The following KHDRBS2 variants were observed in gnomAD, a reference collection of about 807,000 sequenced individuals.
KHDRBS2 encodes KH RNA binding domain containing, signal transduction associated 2, also known as KH domain-containing, RNA-binding, signal transduction-associated protein 2.
KHDRBS2 carries 26 observed loss-of-function variants against 44.3 expected under a neutral mutation model. The ratio of observed to expected loss-of-function variants is 0.59; its 90% CI spans 0.43 to 0.81. The LOEUF is 0.81. KHDRBS2 is among the 40% of genes least tolerant of loss of function. The pLI is 0.00. For missense variants in KHDRBS2, 476 were observed against 433.1 expected (o/e 1.10, Z -0.88); for synonymous variants, 194 against 151.1 (o/e 1.28, Z -2.08).
chr6:61,678,100 CATTA>C (rs1288076518), downstream of KHDRBS2, among the ~76,000 whole-genome samples: 2 of 150,248 alleles, frequency 1.3e-5, no homozygotes, highest in Admixed American at 1.3e-4. Context: ...CCAAGTCGAT[CATTA>C]AAGTTAACAT....
At chr6:61,781,029 A>G (rs2127581297) in intron 6 of KHDRBS2, among the ~76,000 whole-genome samples, 1 of 152,344 alleles carries the variant, frequency 6.6e-6, no homozygotes, top group East Asian at 1.9e-4. Flanking sequence ...TCTTAAAGTG[A>G]CAATTATGTA....
intron 3 of KHDRBS2, among the ~76,000 whole-genome samples, chr6:61,980,324 C>A (rs190386386): frequency 6.6e-6 from 1 of 152,004 alleles, no homozygotes; most frequent in Non-Finnish European, 1.5e-5. Flanking sequence ...ACACATATTC[C>A]TCCTTTGTTC....
chr6:61,869,405 G>A (rs1438092730), intron 6 of KHDRBS2, among the ~76,000 whole-genome samples: 1 of 152,014 alleles, frequency 6.6e-6, no homozygotes, highest in East Asian at 1.9e-4. Context: ...TTAGTAACAA[G>A]GCAAAATAAA....
chr6:61,599,141 G>T, the KHDRBS2 span, among the ~76,000 whole-genome samples: 1 of 151,866 alleles, frequency 6.6e-6, no homozygotes, highest in Admixed American at 6.6e-5. Context: ...TCACCATGTT[G>T]CCCAGGCTGG....
intron 6 of KHDRBS2, among the ~76,000 whole-genome samples, chr6:61,814,341 G>A (rs1156738296): frequency 2.0e-5 from 3 of 152,184 alleles, no homozygotes; most frequent in African/African-American, 7.2e-5. Flanking sequence ...GCCGGGAGCG[G>A]TGGCTCGTGC....
At chr6:62,208,685 T>A (rs1351288375) in intron 1 of KHDRBS2, among the ~76,000 whole-genome samples, 1 of 152,190 alleles carries the variant, frequency 6.6e-6, no homozygotes, top group Non-Finnish European at 1.5e-5. Flanking sequence ...TGTGCCAGTT[T>A]ACATTCCTAC....
intron 6 of KHDRBS2, among the ~76,000 whole-genome samples, chr6:61,803,647 A>C (rs1305370890): frequency 6.6e-6 from 1 of 152,152 alleles, no homozygotes. Flanking sequence ...TACTTATGCC[A>C]TGAAGAAATG....
At chr6:62,258,980 G>T (rs1837889102) in intron 1 of KHDRBS2, among the ~76,000 whole-genome samples, 1 of 151,964 alleles carries the variant, frequency 6.6e-6, no homozygotes, top group Admixed American at 6.6e-5. Flanking sequence ...TAGGAAAAGG[G>T]AAATTGTTCT....
At chr6:61,638,641 T>C in the KHDRBS2 span, among the ~76,000 whole-genome samples, 3 of 152,140 alleles carry the variant, frequency 2.0e-5, no homozygotes, top group Admixed American at 6.6e-5. Flanking sequence ...ACATATACTT[T>C]CTTTGATGAC....
At chr6:62,106,876 T>A (rs1384060034) in intron 2 of KHDRBS2, among the ~76,000 whole-genome samples, 1 of 151,872 alleles carries the variant, frequency 6.6e-6, no homozygotes, top group Non-Finnish European at 1.5e-5. Flanking sequence ...GAAAAGGCCT[T>A]TGACAAAATT....
the KHDRBS2 span, among the ~76,000 whole-genome samples, chr6:61,641,537 C>A: frequency 6.6e-6 from 1 of 152,156 alleles, no homozygotes; most frequent in African/African-American, 2.4e-5. Flanking sequence ...TTCATTTCAT[C>A]ATCCCTTAGC....
chr6:62,123,335 T>G (rs1403059302), intron 2 of KHDRBS2, among the ~76,000 whole-genome samples: 2 of 152,204 alleles, frequency 1.3e-5, no homozygotes, highest in African/African-American at 2.4e-5. Flanking sequence ...TCTTTGCTAT[T>G]GTGAATAGTG....
intron 6 of KHDRBS2, among the ~76,000 whole-genome samples, chr6:61,772,053 A>C (rs561694494): frequency 3.5e-4 from 53 of 152,318 alleles, no homozygotes; most frequent in African/African-American, 1.2e-3. Context: ...GAAACTGAAC[A>C]ACCTGCTCCT....
At chr6:61,732,847 T>A in intron 6 of KHDRBS2, 83 bp from the exon 7 acceptor site, 2 of 776,672 alleles carry the variant, frequency 2.6e-6, no homozygotes, top group Non-Finnish European at 4.6e-6. Context: ...TTTTATACAA[T>A]GTGATCTTGG....
intron 4 of KHDRBS2, among the ~76,000 whole-genome samples, chr6:61,930,897 A>AT (rs912483699): frequency 2.6e-5 from 4 of 151,980 alleles, no homozygotes; most frequent in Admixed American, 2.0e-4. Context: ...CTAATACCAC[A>AT]TTTTTTACTC....
intron 2 of KHDRBS2, among the ~76,000 whole-genome samples, chr6:62,133,290 G>A (rs556400185): frequency 6.6e-6 from 1 of 152,204 alleles, no homozygotes; most frequent in South Asian, 2.1e-4. Flanking sequence ...AATCATGGGG[G>A]CAGCTTTCCC....
At chr6:61,857,457 T>G (rs1796307949) in intron 6 of KHDRBS2, among the ~76,000 whole-genome samples, 1 of 151,964 alleles carries the variant, frequency 6.6e-6, no homozygotes, top group Non-Finnish European at 1.5e-5. Context: ...AGGAAATTTT[T>G]TTTTTCAAAT....
In KHDRBS2 at chr6:61,945,105, A is replaced by ATATATATATATGT. The variant is rs1562490029; in HGVS notation, c.483+32960_483+32961insACATATATATATA. 6.2e-3 allele frequency among the ~76,000 whole-genome samples: 250 copies of ATATATATATATGT among 40,356 alleles called. 38 individuals are homozygous for ATATATATATATGT. Among genetic ancestry groups the ATATATATATATGT allele is most frequent in the Non-Finnish European group, 0.01 (199 of 19,276 alleles). The allele number at this position is 40,356 out of a possible 152,430, so 26.5% of individuals were successfully genotyped here. ...GACTCTGTCTTAAAAAAAAAAAAAA[A>ATATATATATATGT]AAAAAAAGTATATATATATATATAT... On this transcript the variant is annotated intron_variant, in intron 4 of 8. Coordinates refer to ENST00000281156, the MANE Select transcript of KHDRBS2 (RefSeq NM_152688.4).
intron 7 of KHDRBS2, among the ~76,000 whole-genome samples, chr6:61,724,781 C>A (rs1773278773): frequency 6.6e-6 from 1 of 152,156 alleles, no homozygotes; most frequent in Middle Eastern, 3.4e-3. Context: ...ATATATGCAC[C>A]CAATACAGGA....
Sources: allele counts gnomAD v4.1 joint callset (sites outside exome capture counted in the v4.1 genomes callset), GRCh38; gene constraint gnomAD v4.1.1; transcripts MANE v1.5; gene names NCBI Gene and HGNC (gene_info 2026-07-23, HGNC 2026-07-21).